ADGRG7: variants seen among roughly 807,000 people sequenced by gnomAD.
ADGRG7 encodes the protein adhesion G protein-coupled receptor G7.
In ADGRG7, 82 loss-of-function variants were observed where a neutral mutation model predicts 88.6. The observed-to-expected ratio is 0.93, with a 90% CI of 0.77 to 1.11. ADGRG7 has a LOEUF of 1.11. Among genes scored for constraint, ADGRG7 ranks in the 50% most tolerant of loss-of-function variants. ADGRG7 has a pLI of 0.00. For missense variants in ADGRG7, 945 were observed against 953.4 expected (o/e 0.99, Z 0.12); for synonymous variants, 381 against 345.2 (o/e 1.10, Z -1.15).
In ADGRG7 at chr3:100,656,415, A is replaced by G. The variant is rs146237520; in HGVS notation, c.1823+420A>G. Among the ~76,000 whole-genome samples the G allele has an allele frequency of 3.3e-3, 505 of 152,322 alleles. 6 individuals carry two copies. Among genetic ancestry groups the G allele is most frequent in the African/African-American group, 0.011 (455 of 41,574 alleles). ...GAAAACATTTAATAACTCGAACACTATATGTCTCACTCATATAAACCAATT... is the reference window on the plus strand; with the variant it reads ...GAAAACATTTAATAACTCGAACACTGTATGTCTCACTCATATAAACCAATT... On this transcript the variant is annotated intron_variant, in intron 13 of 15. Transcript: ENST00000273352.
intron 1 of ADGRG7, among the ~76,000 whole-genome samples, chr3:100,622,343 T>C (rs1391087723): frequency 6.6e-6 from 1 of 150,862 alleles, no homozygotes; most frequent in Non-Finnish European, 1.5e-5. Flanking sequence ...CCTCTCTCCA[T>C]TGAATTTCCC....
chr3:100,628,948 C>T (rs563836594), intron 1 of ADGRG7, among the ~76,000 whole-genome samples: 1 of 152,200 alleles, frequency 6.6e-6, no homozygotes, highest in African/African-American at 2.4e-5. Flanking sequence ...TCTAAGGTTC[C>T]TTCAAGATTA....
intron 10 of ADGRG7, among the ~76,000 whole-genome samples, chr3:100,647,504 G>T (rs1707774869): frequency 6.6e-6 from 1 of 152,146 alleles, no homozygotes; most frequent in African/African-American, 2.4e-5. Flanking sequence ...GAAAAACTCT[G>T]TAATCCCTTC....
chr3:100,664,683 T>G (rs912636618), intron 14 of ADGRG7, among the ~76,000 whole-genome samples: 1 of 152,152 alleles, frequency 6.6e-6, no homozygotes, highest in Non-Finnish European at 1.5e-5. Flanking sequence ...ACTGCTAATA[T>G]CCAGTATTTG....
chr3:100,643,670 C>A, intron 8 of ADGRG7, 37 bp downstream of exon 8: 2 of 1,372,914 alleles, frequency 1.5e-6, no homozygotes, highest in Non-Finnish European at 2.1e-6. Context: ...AAAAAATGGA[C>A]TCGAATTCAT....
chr3:100,652,006 G>C (rs141019903), intron 11 of ADGRG7, among the ~76,000 whole-genome samples: 145 of 152,234 alleles, frequency 9.5e-4, no homozygotes, highest in Non-Finnish European at 1.5e-3. Context: ...CAATCTCATT[G>C]TAAGTTGAGG....
At chr3:100,612,921 C>T (rs1345916036) in intron 1 of ADGRG7, among the ~76,000 whole-genome samples, 2 of 152,138 alleles carry the variant, frequency 1.3e-5, no homozygotes, top group African/African-American at 4.8e-5. Context: ...GAAGGAGTCT[C>T]ATTCTGTCTC....
Position 100,649,760 on chromosome 3 carries a change from G to A in ADGRG7, c.1332G>A (p.Leu444=). 1 of 1,611,014 alleles carries A rather than the reference G, an allele frequency of 6.2e-7. No homozygotes were observed. The highest frequency in any genetic ancestry group is 8.5e-7 in the Non-Finnish European group (1 of 1,177,640). The stretch of plus-strand genomic sequence containing the variant: ...TATTATCCAACGTTGGATGTGCACT[G>A]TCTGTTACTGGTCTGGCTCTCACAG... ...LDILSNVGCA[L]SVTGLALTVI... Residue 444 remains leucine (L), a synonymous_variant, in exon 11 of 16, where the codon CTG becomes CTA. Transcript: ENST00000273352.
rs761865861 is a variant in ADGRG7 at position 100,646,716 on chromosome 3, G to T, written c.1258G>T (p.Val420Leu). Reference protein sequence around the residue: ...CRCNHTTNFAVLMTFKKDYQY... With the variant: ...CRCNHTTNFALLMTFKKDYQY... ...CTGCAACCATACTACTAATTTTGCTGTATTAATGGTAAGGATATACATAGC... is the reference window on the plus strand; with the variant it reads ...CTGCAACCATACTACTAATTTTGCTTTATTAATGGTAAGGATATACATAGC... Residue 420 changes from valine (V) to leucine (L), a missense_variant, in exon 10 of 16, where the codon GTA (valine) becomes TTA (leucine). Transcript: ENST00000273352. The T allele has an allele frequency of 1.5e-5, 24 of 1,613,764 alleles. No homozygotes were observed. The highest frequency in any genetic ancestry group is 1.6e-4 in the Middle Eastern group (1 of 6,078).
chr3:100,652,236 A>G (rs1408217150), intron 11 of ADGRG7, among the ~76,000 whole-genome samples: 1 of 152,200 alleles, frequency 6.6e-6, no homozygotes, highest in Non-Finnish European at 1.5e-5. Flanking sequence ...TAAAATGTCA[A>G]GCAGATGGAC....
chr3:100,633,801 C>T (rs983923276), intron 4 of ADGRG7, among the ~76,000 whole-genome samples: 4 of 152,212 alleles, frequency 2.6e-5, no homozygotes, highest in South Asian at 2.1e-4. Flanking sequence ...GGATTACAGG[C>T]GTAGTAAGTA....
At chr3:100,653,094 G>A (rs892633872) in intron 11 of ADGRG7, among the ~76,000 whole-genome samples, 2 of 152,158 alleles carry the variant, frequency 1.3e-5, no homozygotes, top group African/African-American at 4.8e-5. Flanking sequence ...GGAGATTCTT[G>A]ATGAAAATAA....
At chr3:100,624,528 T>C (rs1707357602) in intron 1 of ADGRG7, among the ~76,000 whole-genome samples, 1 of 152,226 alleles carries the variant, frequency 6.6e-6, no homozygotes. Flanking sequence ...GTGCAGAAGC[T>C]CTTTAGTTTA....
At chr3:100,641,885 A>G (rs1161755405) in intron 6 of ADGRG7, among the ~76,000 whole-genome samples, 1 of 152,184 alleles carries the variant, frequency 6.6e-6, no homozygotes, top group African/African-American at 2.4e-5. Flanking sequence ...ATATAACTAC[A>G]GCACTAATCA....
Position 100,609,787 on chromosome 3 carries a change from C to G in ADGRG7, c.-70C>G. On this transcript the variant is annotated 5_prime_UTR_variant, in exon 1 of 16. Coordinates refer to ENST00000273352, the MANE Select transcript of ADGRG7 (RefSeq NM_032787.3). ...TGTTTTAGAATAGTTTCCGATTAAA[C>G]TTTTTAGCTCAAGAAGAAAAGAAGC... The G allele has an allele frequency of 1.7e-6, 2 of 1,205,702 alleles. No individual in the cohort carries two copies. The highest frequency in any genetic ancestry group is 2.4e-6 in the Non-Finnish European group (2 of 816,470). The allele number at this position is 1,205,702 out of a possible 1,614,324, so 74.7% of individuals were successfully genotyped here.
chr3:100,646,815 A>C (rs1707758106), intron 10 of ADGRG7, 91 bp downstream of exon 10: 3 of 1,051,530 alleles, frequency 2.9e-6, no homozygotes, highest in South Asian at 3.2e-5. Flanking sequence ...TTTGGGATTT[A>C]ATTTACATAG....
intron 12 of ADGRG7, 101 bp downstream of exon 12, chr3:100,655,282 T>C: frequency 1.3e-6 from 1 of 779,012 alleles, no homozygotes; most frequent in Non-Finnish European, 2.0e-6. Context: ...CTTGACGTAA[T>C]TAAGAGGAGA....
chr3:100,646,222 G>A, intron 9 of ADGRG7, 114 bp downstream of exon 9: 1 of 376,516 alleles, frequency 2.7e-6, no homozygotes, highest in South Asian at 2.2e-5. Context: ...GAGGGCGGGG[G>A]GGAGGGTTTT....
chr3:100,689,935 G>A (rs2094990218), intron 15 of ADGRG7, among the ~76,000 whole-genome samples: 1 of 152,140 alleles, frequency 6.6e-6, no homozygotes, highest in African/African-American at 2.4e-5. Flanking sequence ...TTGCTAGATT[G>A]GGGAAGTTCT....
Sources: allele counts gnomAD v4.1 joint callset (sites outside exome capture counted in the v4.1 genomes callset), GRCh38; gene constraint gnomAD v4.1.1; transcripts MANE v1.5; gene names NCBI Gene and HGNC (gene_info 2026-07-23, HGNC 2026-07-21).